PRKG2: variants seen among roughly 807,000 people sequenced by gnomAD.
The protein encoded by PRKG2 is protein kinase cGMP-dependent 2.
PRKG2 carries 33 observed loss-of-function variants against 97.2 expected under a neutral mutation model. That is an observed-to-expected ratio of 0.34 (90% CI 0.26 to 0.45). The LOEUF (loss-of-function observed/expected upper bound fraction) is 0.45, where lower values mean the gene tolerates loss of function less well. Ranked by LOEUF, PRKG2 falls within the 20% of genes least tolerant of loss-of-function variation. The pLI is 1.00. For missense variants in PRKG2, 638 were observed against 900.0 expected, an observed-to-expected ratio of 0.71 and a Z score of 3.73; for synonymous variants, 330 against 321.8, an observed-to-expected ratio of 1.03 and a Z score of -0.27.
At chr4:81,104,127 G>A (rs2868135) in intron 17 of PRKG2, among the ~76,000 whole-genome samples, 5,839 of 152,236 alleles carry the variant, frequency 0.038, 395 homozygotes, top group African/African-American at 0.13. Flanking sequence ...TTGAAGATGT[G>A]ATTTTGTAAC....
chr4:81,154,032 T>C, intron 6 of PRKG2: 1 of 209,432 alleles, frequency 4.8e-6, no homozygotes. Flanking sequence ...ATCGGGTCAC[T>C]CTCACCCGAA....
intron 9 of PRKG2, among the ~76,000 whole-genome samples, chr4:81,145,843 C>G (rs1441321359): frequency 1.3e-5 from 2 of 152,080 alleles, no homozygotes; most frequent in South Asian, 2.1e-4. Flanking sequence ...GTGAGTTTAC[C>G]TCAAAATACC....
Position 81,102,477 on chromosome 4 carries a change from A to G in PRKG2, c.2126+1893T>C, listed in dbSNP as rs551264159. 2.0e-5 allele frequency among the ~76,000 whole-genome samples: 3 copies of G among 152,334 alleles called. No homozygotes were observed. In the South Asian group the frequency reaches 6.2e-4, roughly 32 times the overall value. On this transcript the variant is annotated intron_variant, in intron 17 of 18. Transcript: ENST00000264399. ...TGTGTTTCTGTGTCATTTCATGATG[A>G]GAAAAGAAATTGTGATAACAGCATG...
intron 18 of PRKG2, among the ~76,000 whole-genome samples, chr4:81,091,121 A>C (rs1741487254): frequency 6.6e-6 from 1 of 152,168 alleles, no homozygotes. Context: ...ATGAAATCTT[A>C]TAGGGAACAT....
At chr4:81,208,712 C>A (rs533719337) in intron 1 of PRKG2, among the ~76,000 whole-genome samples, 139 of 152,250 alleles carry the variant, frequency 9.1e-4, no homozygotes, top group African/African-American at 3.1e-3. Flanking sequence ...TAAAGATGCA[C>A]ATTATTCCTT....
chr4:81,198,072 A>T (rs1753072703), intron 2 of PRKG2, among the ~76,000 whole-genome samples: 1 of 152,240 alleles, frequency 6.6e-6, no homozygotes, highest in African/African-American at 2.4e-5. Context: ...GCACAGTGCT[A>T]ACAGTGAGCT....
intron 2 of PRKG2, among the ~76,000 whole-genome samples, chr4:81,178,232 C>G (rs1282929847): frequency 6.6e-6 from 1 of 151,914 alleles, no homozygotes; most frequent in East Asian, 1.9e-4. Context: ...CTATCAGCCA[C>G]TAGCTTAACT....
chr4:81,111,571 C>T (rs1424322220), intron 14 of PRKG2, among the ~76,000 whole-genome samples: 3 of 152,088 alleles, frequency 2.0e-5, no homozygotes, highest in African/African-American at 7.2e-5. Context: ...TAGCAGGTGA[C>T]ATCTGAGCTT....
At chr4:81,155,102 C>T (rs1292268134) in intron 6 of PRKG2, among the ~76,000 whole-genome samples, 7 of 141,146 alleles carry the variant, frequency 5.0e-5, no homozygotes, top group Admixed American at 2.2e-4. Context: ...GGCGTGAACC[C>T]GGGAGGCGGA....
chr4:81,193,411 G>A (rs919557002), intron 2 of PRKG2: 1 of 152,088 alleles, frequency 6.6e-6, no homozygotes, highest in Non-Finnish European at 1.5e-5. Flanking sequence ...ATTTCTATGA[G>A]AATTAAATTA....
chr4:81,184,346 T>C (rs1020513545), intron 2 of PRKG2, among the ~76,000 whole-genome samples: 5 of 152,138 alleles, frequency 3.3e-5, no homozygotes, highest in Admixed American at 6.6e-5. Context: ...GTGATACCCA[T>C]GCAAACAGGA....
chr4:81,136,491 C>A (rs888593126), intron 13 of PRKG2, among the ~76,000 whole-genome samples: 3 of 152,166 alleles, frequency 2.0e-5, no homozygotes, highest in Non-Finnish European at 4.4e-5. Flanking sequence ...CTAACGCCAA[C>A]CCACGTTCTC....
chr4:81,181,577 G>A (rs1578482111), intron 2 of PRKG2, among the ~76,000 whole-genome samples: 1 of 151,528 alleles, frequency 6.6e-6, no homozygotes, highest in Non-Finnish European at 1.5e-5. Flanking sequence ...AATCAACACA[G>A]CCCAAAATAA....
chr4:81,101,106 A>G lies in PRKG2; in HGVS notation c.2126+3264T>C, dbSNP rs1175970557. 5.3e-5 allele frequency among the ~76,000 whole-genome samples: 8 copies of G among 151,782 alleles called. No homozygotes were observed. In the East Asian group the frequency reaches 1.5e-3, roughly 29 times the overall value. ...GATGTGGAGAAATAGGAACACTTTT[A>G]CACTGTTGGTGGGACTGTAAACTAG... is the stretch of plus-strand genomic sequence containing the variant. On this transcript the variant is annotated intron_variant, in intron 17 of 18. Transcript: ENST00000264399.
chr4:81,117,375 C>G (rs1305748792), intron 14 of PRKG2, among the ~76,000 whole-genome samples: 1 of 152,014 alleles, frequency 6.6e-6, no homozygotes, highest in African/African-American at 2.4e-5. Flanking sequence ...TAATTTTATT[C>G]ATAGTTTTCT....
intron 2 of PRKG2, among the ~76,000 whole-genome samples, chr4:81,203,373 A>G (rs1470196060): frequency 6.6e-6 from 1 of 152,168 alleles, no homozygotes; most frequent in African/African-American, 2.4e-5. Flanking sequence ...TTTATTGATC[A>G]TTCACTATGC....
intron 1 of PRKG2, among the ~76,000 whole-genome samples, chr4:81,211,021 A>C (rs1473495255): frequency 6.6e-6 from 1 of 152,162 alleles, no homozygotes; most frequent in Non-Finnish European, 1.5e-5. Flanking sequence ...TAGAAAGATC[A>C]GTGGTTGCCA....
intron 14 of PRKG2, among the ~76,000 whole-genome samples, chr4:81,123,622 T>C (rs529821168): frequency 6.6e-6 from 1 of 152,312 alleles, no homozygotes; most frequent in Admixed American, 6.5e-5. Context: ...GACAGGATGG[T>C]CTCGATCTCC....
intron 6 of PRKG2, among the ~76,000 whole-genome samples, chr4:81,166,666 T>G (rs979051614): frequency 1.3e-5 from 2 of 152,156 alleles, no homozygotes; most frequent in East Asian, 3.9e-4. Flanking sequence ...AAAGTGCTTC[T>G]TAAATACAGT....
Sources: gnomAD v4.1 joint callset for allele counts (sites outside exome capture counted in the v4.1 genomes callset) on GRCh38, gnomAD v4.1.1 for gene constraint, MANE v1.5 for transcripts, NCBI Gene and HGNC (gene_info 2026-07-23, HGNC 2026-07-21) for gene names.